Variants in NAV3 observed in about 807,000 individuals in gnomAD.
The protein encoded by NAV3 is neuron navigator 3, also known as pore membrane and/or filament interacting like protein 1.
NAV3 carries 87 observed loss-of-function variants against 244.7 expected under a neutral mutation model. The observed-to-expected ratio is 0.36, with a 90% confidence interval of 0.30 to 0.42. The LOEUF (loss-of-function observed/expected upper bound fraction) is 0.42, where lower values mean the gene tolerates loss of function less well. Among genes scored for constraint, NAV3 ranks in the 20% least tolerant of loss-of-function variants. NAV3 has a pLI of 1.00. For synonymous variants in NAV3, 1,126 were observed against 1,042.2 expected (o/e 1.08, Z -1.55); for missense variants, 2,663 against 2,893.3 (o/e 0.92, Z 1.83).
intron 2 of NAV3, among the ~76,000 whole-genome samples, chr12:77,671,652 G>T (rs1242129433): frequency 6.6e-6 from 1 of 151,906 alleles, no homozygotes; most frequent in Non-Finnish European, 1.5e-5. Context: ...AAACAAAAAC[G>T]CAGAGTGGGG....
intron 9 of NAV3, chr12:78,036,805 T>G: frequency 3.2e-6 from 2 of 618,634 alleles, no homozygotes; most frequent in Non-Finnish European, 5.8e-6. Flanking sequence ...TCAGTTACAA[T>G]CACAGTGTAA....
intron 12 of NAV3, among the ~76,000 whole-genome samples, chr12:78,062,432 T>A (rs528685132): frequency 6.6e-6 from 1 of 152,238 alleles, no homozygotes; most frequent in East Asian, 1.9e-4. Flanking sequence ...TCTGGGGTTG[T>A]GTACATTTGA....
chr12:77,842,459 G>A (rs1179349692), intron 1 of NAV3, among the ~76,000 whole-genome samples: 1 of 151,612 alleles, frequency 6.6e-6, no homozygotes, highest in Non-Finnish European at 1.5e-5. Flanking sequence ...TGTCAGAGCT[G>A]GGAACCAGAA....
chr12:78,073,615 A>C (rs1334506059), intron 12 of NAV3, among the ~76,000 whole-genome samples: 1 of 152,178 alleles, frequency 6.6e-6, no homozygotes, highest in Non-Finnish European at 1.5e-5. Context: ...CATACTGCCC[A>C]AGGTAATTTA....
intron 36 of NAV3, chr12:78,199,032 A>G (rs1432223977): frequency 1.8e-6 from 1 of 553,614 alleles, no homozygotes; most frequent in Non-Finnish European, 3.4e-6. Context: ...ATGTGAAGAG[A>G]GTTGCTATTT....
chr12:77,587,804 AAT>A (rs1352755831), intron 2 of NAV3, among the ~76,000 whole-genome samples: 1 of 152,186 alleles, frequency 6.6e-6, no homozygotes, highest in Non-Finnish European at 1.5e-5. Flanking sequence ...CATTCCATGT[AAT>A]AGTTACAGAA....
intron 1 of NAV3, among the ~76,000 whole-genome samples, chr12:77,912,557 A>C (rs989020160): frequency 6.6e-6 from 1 of 152,132 alleles, no homozygotes; most frequent in Non-Finnish European, 1.5e-5. Context: ...AAATTGTAAC[A>C]ATCTCTACTT....
chr12:78,012,041 A>G (rs978029772), intron 8 of NAV3, among the ~76,000 whole-genome samples: 2 of 152,140 alleles, frequency 1.3e-5, no homozygotes, highest in African/African-American at 4.8e-5. Context: ...ACACATGGGG[A>G]TTACAATTCA....
At chr12:78,179,931 G>C (rs1958428198) in intron 29 of NAV3, among the ~76,000 whole-genome samples, 1 of 152,086 alleles carries the variant, frequency 6.6e-6, no homozygotes, top group East Asian at 1.9e-4. Context: ...CTAGTAATTG[G>C]ATTCAGGTTG....
chr12:77,800,943 T>C lies in NAV3; in HGVS notation c.73-139376T>C, dbSNP rs112986776. Among the ~76,000 whole-genome samples the C allele has an allele frequency of 2.3e-3, 357 of 152,244 alleles. 4 individuals carry two copies. Among genetic ancestry groups the C allele is most frequent in the African/African-American group, 8.3e-3 (346 of 41,560 alleles). On this transcript the variant is annotated intron_variant, in intron 2 of 8. Transcript: ENST00000550042. ...CATTAGAACTCTTCAGAGAAGATTA[T>C]AAGATTTTATTAAAGAAGTAATTAG...
At chr12:77,915,263 C>T (rs1449718503) in intron 1 of NAV3, among the ~76,000 whole-genome samples, 1 of 151,980 alleles carries the variant, frequency 6.6e-6, no homozygotes, top group Non-Finnish European at 1.5e-5. Flanking sequence ...ACAAATTTCA[C>T]ATCACATGCT....
At chr12:77,852,311 G>T (rs1407127396) in intron 1 of NAV3, among the ~76,000 whole-genome samples, 1 of 152,202 alleles carries the variant, frequency 6.6e-6, no homozygotes, top group Non-Finnish European at 1.5e-5. Flanking sequence ...AAGGCAGGGG[G>T]ATAACCTGCA....
rs1362172352 is a variant in NAV3 at position 77,932,037 on chromosome 12, C to T, written c.244-8282C>T. On this transcript the variant is annotated intron_variant, in intron 1 of 39. Transcript: ENST00000397909. ...ACCATGAGTGTCAGTATCTGTTGAT[C>T]TTAGGGATGATCATTGTTGTCAAAG... Among the ~76,000 whole-genome samples, 3 of 151,900 alleles carry T rather than the reference C, an allele frequency of 2.0e-5. No homozygotes were observed. In the East Asian group the frequency reaches 5.8e-4, roughly 29 times the overall value.
Position 77,968,501 on chromosome 12 carries a change from A to T in NAV3, c.488-18A>T, listed in dbSNP as rs369027934. 5.0e-6 allele frequency: 8 copies of T among 1,587,678 alleles called. No homozygotes were observed. In the Admixed American group the frequency reaches 1.2e-4, roughly 24 times the overall value. ...TAAATACATATGATTCTTTTTTTGTATTTTTCATTTCATACAGAAATAAGA... is the reference window on the plus strand; with the variant it reads ...TAAATACATATGATTCTTTTTTTGTTTTTTTCATTTCATACAGAAATAAGA... On this transcript the variant is annotated intron_variant, in intron 4 of 39. Coordinates refer to ENST00000397909, the MANE Select transcript of NAV3 (RefSeq NM_001024383.2).
intron 8 of NAV3, 148 bp from the exon 9 acceptor site, chr12:78,021,599 A>G (rs1339880002): frequency 1.9e-6 from 1 of 527,428 alleles, no homozygotes; most frequent in Non-Finnish European, 3.4e-6. Context: ...GTTCTCCTAT[A>G]CATAGACAGC....
At chr12:78,055,301 TAAAC>T (rs566128534) in intron 11 of NAV3, among the ~76,000 whole-genome samples, 315 of 152,038 alleles carry the variant, frequency 2.1e-3, no homozygotes, top group African/African-American at 7.2e-3. Flanking sequence ...GAAGTATTCT[TAAAC>T]AGATAGTTGT....
chr12:77,921,625 G>A (rs1050099587), intron 1 of NAV3, among the ~76,000 whole-genome samples: 3 of 152,046 alleles, frequency 2.0e-5, no homozygotes, highest in African/African-American at 7.2e-5. Context: ...GTTAAAATGA[G>A]AGTTACAATT....
At chr12:77,712,966 A>G (rs1876192004) in intron 2 of NAV3, among the ~76,000 whole-genome samples, 2 of 152,158 alleles carry the variant, frequency 1.3e-5, no homozygotes, top group South Asian at 4.1e-4. Context: ...GTCTGTGATG[A>G]CTGCAGCACT....
At chr12:77,687,274 A>G (rs900122953) in intron 2 of NAV3, among the ~76,000 whole-genome samples, 10 of 152,032 alleles carry the variant, frequency 6.6e-5, no homozygotes, top group African/African-American at 2.2e-4. Context: ...TTATTGCCTG[A>G]GATCTGATAC....
Sources: gnomAD v4.1 joint callset for allele counts (sites outside exome capture counted in the v4.1 genomes callset) on GRCh38, gnomAD v4.1.1 for gene constraint, MANE v1.5 for transcripts, NCBI Gene and HGNC (gene_info 2026-07-23, HGNC 2026-07-21) for gene names.